AGPAT3: variants seen among roughly 807,000 people sequenced by gnomAD.
AGPAT3 encodes 1-acyl-sn-glycerol-3-phosphate acyltransferase gamma.
A neutral mutation model predicts 47.3 loss-of-function variants in AGPAT3; 5 were observed. The observed-to-expected ratio is 0.11, with a 90% CI of 0.06 to 0.22. The LOEUF (loss-of-function observed/expected upper bound fraction) is 0.22, where lower values mean the gene tolerates loss of function less well. AGPAT3 is among the 10% of genes least tolerant of loss of function. AGPAT3 has a pLI of 1.00. For missense variants in AGPAT3, 315 were observed against 493.0 expected (o/e 0.64, Z 3.42); for synonymous variants, 212 against 208.3 (o/e 1.02, Z -0.15).
At chr21:43,876,989 G>T (rs1336501808) in intron 1 of AGPAT3, among the ~76,000 whole-genome samples, 1 of 152,104 alleles carries the variant, frequency 6.6e-6, no homozygotes, top group Non-Finnish European at 1.5e-5. Context: ...CTCCTGAGTA[G>T]CTGGGACTAC....
chr21:43,929,162 C>T (rs772636769), intron 2 of AGPAT3, among the ~76,000 whole-genome samples: 87 of 152,196 alleles, frequency 5.7e-4, no homozygotes, highest in Admixed American at 1.7e-3. Flanking sequence ...GTGCCTCATG[C>T]GGGTGGGGAG....
At chr21:43,897,282 A>T (rs553435487) in intron 1 of AGPAT3, among the ~76,000 whole-genome samples, 25 of 152,260 alleles carry the variant, frequency 1.6e-4, no homozygotes, top group Admixed American at 8.5e-4. Flanking sequence ...GGGTAAGGTT[A>T]TAGATTAACA....
intron 2 of AGPAT3, among the ~76,000 whole-genome samples, chr21:43,925,962 G>A (rs1205617701): frequency 6.6e-6 from 1 of 152,270 alleles, no homozygotes; most frequent in Non-Finnish European, 1.5e-5. Flanking sequence ...CAGGAGAAGC[G>A]GCGAGGCCCA....
chr21:43,982,403 T>C lies in AGPAT3; in HGVS notation c.*11T>C. ...AAGAAAAAGGAATAATTAATGGCTG[T>C]GACTGAACACACGCGGCCCTGACGG... On this transcript the variant is annotated 3_prime_UTR_variant, in exon 10 of 10. Transcript: ENST00000291572. The surrounding 1 kb of genome is among the most constrained non-coding windows in gnomAD (Gnocchi z 6.2). 1 of 1,602,626 alleles carries C rather than the reference T, an allele frequency of 6.2e-7. No individual in the cohort carries two copies. Among genetic ancestry groups the C allele is most frequent in the East Asian group, 2.2e-5 (1 of 44,812 alleles).
At chr21:43,886,234 T>C (rs1346788372) in intron 1 of AGPAT3, among the ~76,000 whole-genome samples, 1 of 152,024 alleles carries the variant, frequency 6.6e-6, no homozygotes, top group Non-Finnish European at 1.5e-5. Context: ...TATTAGGTCT[T>C]TATACTAGAT....
At position 43,955,026 on chromosome 21, in the gene AGPAT3, G is replaced by C. The variant is rs143830431; in HGVS notation, c.-48-4608G>C. ...GCTGCATCCACACAGAGGCTGGGAC[G>C]TGAATGTGCATCACGGCTCTATCTG... On this transcript the variant is annotated intron_variant, in intron 2 of 9. Transcript: ENST00000291572. The surrounding 1 kb of genome is among the most constrained non-coding windows in gnomAD (Gnocchi z 4.1). The C allele has an allele frequency of 1.7e-3, 1,938 of 1,172,836 alleles. 27 individuals are homozygous for C. The African/African-American group carries it at 0.027, about 17-fold the overall frequency. 72.7% of individuals were successfully genotyped at this position (1,172,836 alleles called of 1,614,324 possible).
chr21:43,960,462 A>G (rs1007821955), intron 3 of AGPAT3, among the ~76,000 whole-genome samples: 1 of 152,222 alleles, frequency 6.6e-6, no homozygotes, highest in Non-Finnish European at 1.5e-5. Context: ...GAACAGGCGC[A>G]TCTCTGGAGG....
Position 43,920,644 on chromosome 21 carries a change from C to T in AGPAT3, c.-49+16625C>T, listed in dbSNP as rs991569583. Among the ~76,000 whole-genome samples, 6 of 152,054 alleles carry T rather than the reference C, an allele frequency of 3.9e-5. No homozygotes were observed. The highest frequency in any genetic ancestry group is 7.2e-5 in the African/African-American group (3 of 41,392). ...ACCAGTGGCCGGTGTTCTGCTCGAT[C>T]GTGCCTGTGTAATGAAGCCTCCACA... On this transcript the variant is annotated intron_variant, in intron 2 of 9. Transcript: ENST00000291572. This position sits in a 1 kb window ranked among gnomAD's most constrained non-coding sequence, Gnocchi z 6.1.
chr21:43,942,845 G>T (rs116668314), intron 2 of AGPAT3, among the ~76,000 whole-genome samples: 2,894 of 152,278 alleles, frequency 0.019, 70 homozygotes, highest in Middle Eastern at 0.092. Context: ...CCTCATCTGG[G>T]CTCAGGGAGA....
rs2086928190 is a variant in AGPAT3 at position 43,922,736 on chromosome 21, C to T, written c.-49+18717C>T. 6.6e-6 allele frequency among the ~76,000 whole-genome samples: 1 copy of T among 151,918 alleles called. No homozygotes were observed. Among genetic ancestry groups the T allele is most frequent in the Admixed American group, 6.5e-5 (1 of 15,284 alleles). On this transcript the variant is annotated intron_variant, in intron 2 of 9. Coordinates refer to ENST00000291572, the MANE Select transcript of AGPAT3 (RefSeq NM_020132.5). This position sits in a 1 kb window ranked among gnomAD's most constrained non-coding sequence, Gnocchi z 4.9. ...CTCAGGAGCCATGTGCCAGGCAGGG[C>T]ACTCCGTCAGTGTAGGGTCTCCCAG... is the stretch of plus-strand genomic sequence containing the variant.
At chr21:43,911,645 G>T (rs1184309153) in intron 2 of AGPAT3, among the ~76,000 whole-genome samples, 1 of 152,232 alleles carries the variant, frequency 6.6e-6, no homozygotes, top group Non-Finnish European at 1.5e-5. Flanking sequence ...CTGGGCTGCA[G>T]ACTCCTTTTC....
In AGPAT3 at chr21:43,959,637, G is replaced by T. The variant is rs370617345; in HGVS notation, c.-45G>T. On this transcript the variant is annotated 5_prime_UTR_variant, in exon 3 of 10. Coordinates refer to ENST00000291572, the MANE Select transcript of AGPAT3 (RefSeq NM_020132.5). ...GTCCCTGTCCCTGTCTTTGCAGGAC[G>T]GCTGTCCTCAGCGAGGGGCCGTGCA... The T allele has an allele frequency of 1.9e-6, 3 of 1,605,656 alleles. No homozygotes were observed. The African/African-American group carries it at 4.0e-5, about 21-fold the overall frequency.
At chr21:43,902,279 C>G (rs1024676470) in intron 1 of AGPAT3, among the ~76,000 whole-genome samples, 1 of 152,192 alleles carries the variant, frequency 6.6e-6, no homozygotes, top group Non-Finnish European at 1.5e-5. Context: ...GGACACCTAT[C>G]TACAAAAACA....
In AGPAT3 at chr21:43,971,420, A is replaced by G. The variant is rs1486805077; in HGVS notation, c.697A>G (p.Arg233Gly). Reference sequence around the variant, plus strand: ...TGTCTATGATGTAACCCTGAACTTCAGAGGAAACAAGAACCCGTCCCTGCT... The same window carrying G: ...TGTCTATGATGTAACCCTGAACTTCGGAGGAAACAAGAACCCGTCCCTGCT... Reference protein sequence around the residue: ...AAVYDVTLNFRGNKNPSLLGI... With the variant: ...AAVYDVTLNFGGNKNPSLLGI... Residue 233 changes from arginine to glycine, a missense_variant, in exon 7 of 10, where the codon AGA becomes GGA. Transcript: ENST00000291572. 6.2e-7 allele frequency: 1 copy of G among 1,614,236 alleles called. No homozygotes were observed. Among genetic ancestry groups the G allele is most frequent in the Non-Finnish European group, 8.5e-7 (1 of 1,180,038 alleles).
chr21:43,938,134 A>C (rs1418104201), intron 2 of AGPAT3, among the ~76,000 whole-genome samples: 1 of 151,822 alleles, frequency 6.6e-6, no homozygotes, highest in Non-Finnish European at 1.5e-5. Flanking sequence ...ACACACACAC[A>C]CACACACTCA....
rs2088527391 is a variant in AGPAT3 at position 43,957,439 on chromosome 21, G to C, written c.-48-2195G>C. ...TTCCAGAGGACCAAGTCAGGGGTTG[G>C]CAGCACCGCCAGCCTGACTGCCAGG... On this transcript the variant is annotated intron_variant, in intron 2 of 9. Coordinates refer to ENST00000291572, the MANE Select transcript of AGPAT3 (RefSeq NM_020132.5). Among the ~76,000 whole-genome samples, 4 of 152,178 alleles carry C rather than the reference G, an allele frequency of 2.6e-5. No individual in the cohort carries two copies. In the South Asian group the frequency reaches 8.3e-4, roughly 31 times the overall value.
At chr21:43,963,236 C>CTTTT (rs1475267249) in intron 3 of AGPAT3, among the ~76,000 whole-genome samples, 1 of 152,150 alleles carries the variant, frequency 6.6e-6, no homozygotes, top group Non-Finnish European at 1.5e-5. Context: ...TAAAATAGGG[C>CTTTT]TTTGGCCCCC....
chr21:43,959,546 G>A (rs185114348), intron 2 of AGPAT3, 88 bp from the exon 3 acceptor site: 49 of 1,196,468 alleles, frequency 4.1e-5, no homozygotes, highest in Non-Finnish European at 4.8e-5. Flanking sequence ...TGAGGCATGT[G>A]CGGGGTGTGC....
intron 2 of AGPAT3, among the ~76,000 whole-genome samples, chr21:43,917,666 G>A (rs544254293): frequency 8.0e-4 from 122 of 152,228 alleles, no homozygotes; most frequent in African/African-American, 2.7e-3. Context: ...GTGGGGGGAT[G>A]TGTGGCACAC....
Sources: gnomAD v4.1 joint callset for allele counts (sites outside exome capture counted in the v4.1 genomes callset) on GRCh38, gnomAD v4.1.1 for gene constraint, Gnocchi (gnomAD v3.1) non-coding constraint, MANE v1.5 for transcripts, NCBI Gene and HGNC (gene_info 2026-07-23, HGNC 2026-07-21) for gene names.